Variants in TENM4 observed in about 807,000 individuals in gnomAD.
TENM4 encodes the protein teneurin transmembrane protein 4.
Under a neutral mutation model 243.3 loss-of-function variants are expected in TENM4, and 82 were observed. That is an observed-to-expected ratio of 0.34 (90% CI 0.28 to 0.40). TENM4 has a LOEUF of 0.40. Ranked by LOEUF, TENM4 falls within the 10% of genes least tolerant of loss-of-function variation. The pLI is 1.00. For synonymous variants in TENM4, 1,412 were observed against 1,456.3 expected (o/e 0.97, Z 0.69); for missense variants, 3,138 against 3,673.3 (o/e 0.85, Z 3.77).
At chr11:79,128,078 C>T (rs1466292420) in intron 4 of TENM4, among the ~76,000 whole-genome samples, 1 of 152,198 alleles carries the variant, frequency 6.6e-6, no homozygotes, top group Admixed American at 6.5e-5. Flanking sequence ...GGCTGCTGTG[C>T]AAGCTGGGCC....
At chr11:79,129,668 C>G (rs937655913) in intron 4 of TENM4, among the ~76,000 whole-genome samples, 2 of 152,102 alleles carry the variant, frequency 1.3e-5, no homozygotes, top group African/African-American at 2.4e-5. Context: ...ATAGTCCGCC[C>G]AGGTACACAA....
At chr11:79,334,813 A>G (rs2135450716) in intron 1 of TENM4, among the ~76,000 whole-genome samples, 1 of 152,284 alleles carries the variant, frequency 6.6e-6, no homozygotes, top group East Asian at 1.9e-4. Context: ...GTTTCATTTT[A>G]AGCCTGAATT....
At chr11:78,724,339 G>A (rs1402878591) in intron 23 of TENM4, among the ~76,000 whole-genome samples, 2 of 152,152 alleles carry the variant, frequency 1.3e-5, no homozygotes, top group African/African-American at 2.4e-5. Context: ...CGATCCTCTC[G>A]CCTTAGCTTC....
chr11:78,956,448 C>G (rs1857208092), intron 6 of TENM4, among the ~76,000 whole-genome samples: 1 of 152,206 alleles, frequency 6.6e-6, no homozygotes, highest in Admixed American at 6.5e-5. Context: ...TGACAGCCAC[C>G]CAGCCTGCTG....
At chr11:79,147,428 A>G (rs540736513) in intron 4 of TENM4, among the ~76,000 whole-genome samples, 12 of 152,150 alleles carry the variant, frequency 7.9e-5, no homozygotes, top group South Asian at 2.1e-4. Context: ...TTTTAACTGT[A>G]TATTTCCATA....
chr11:79,374,757 T>C (rs1284271763), intron 1 of TENM4, among the ~76,000 whole-genome samples: 1 of 152,090 alleles, frequency 6.6e-6, no homozygotes, highest in Admixed American at 6.6e-5. Context: ...AAAATGATAA[T>C]GGGTTAATTT....
intron 30 of TENM4, among the ~76,000 whole-genome samples, chr11:78,673,109 T>C (rs1858376416): frequency 6.6e-6 from 1 of 152,108 alleles, no homozygotes; most frequent in African/African-American, 2.4e-5. Flanking sequence ...GGGAGTGCCT[T>C]GTATAAACTC....
intron 1 of TENM4, among the ~76,000 whole-genome samples, chr11:79,300,231 C>T (rs1414328936): frequency 6.6e-6 from 1 of 152,166 alleles, no homozygotes; most frequent in Non-Finnish European, 1.5e-5. Flanking sequence ...TTTAGATATA[C>T]TTCCTTTTAA....
Position 79,069,851 on chromosome 11 carries a change from C to A in TENM4, c.94G>T (p.Gly32Cys), listed in dbSNP as rs1309630576. 2.5e-5 allele frequency: 39 copies of A among 1,550,482 alleles called. No homozygotes were observed. The highest frequency in any genetic ancestry group is 3.2e-5 in the Non-Finnish European group (37 of 1,146,890). The change falls in exon 5 of 34, where the codon GGC becomes TGC. Residue 32 changes from glycine (G) to cysteine (C), a missense_variant. Around this residue, in one of 2 missense-constraint regions of TENM4, gnomAD observed 671 missense variants for 614.1 expected, o/e 1.09. Transcript: ENST00000278550. The stretch of plus-strand genomic sequence containing the variant: ...CTGTACGATTTCTGCGGGGCTTTGC[C>A]CTCCTCGCTGTCCGCGGACGAGCTG... Reference protein sequence around the residue: ...YTSSSADSEEGKAPQKSYSSS... With the variant: ...YTSSSADSEECKAPQKSYSSS...
Position 79,056,444 on chromosome 11 carries a change from G to C in TENM4, c.493+8294C>G, listed in dbSNP as rs149780993. Among the ~76,000 whole-genome samples the C allele has an allele frequency of 3.1e-3, 465 of 152,082 alleles. 17 individuals are homozygous for C. The highest frequency in any genetic ancestry group is 0.029 in the Admixed American group (446 of 15,274). The stretch of plus-strand genomic sequence containing the variant: ...ATGGGGTGCATTTAATCTGGGCCAG[G>C]ACTTCTTAAAGGGACTCCTAAGAAC... On this transcript the variant is annotated intron_variant, in intron 6 of 33. Transcript: ENST00000278550.
chr11:79,407,599 A>G (rs990462891), intron 1 of TENM4, among the ~76,000 whole-genome samples: 7 of 152,250 alleles, frequency 4.6e-5, no homozygotes, highest in Admixed American at 1.3e-4. Flanking sequence ...GGTGACAGAA[A>G]GTTAAAACCT....
chr11:79,265,231 C>A (rs1297391817), intron 2 of TENM4, among the ~76,000 whole-genome samples: 1 of 152,128 alleles, frequency 6.6e-6, no homozygotes, highest in Non-Finnish European at 1.5e-5. Context: ...GACTTTATAT[C>A]AGAAGCCCTA....
chr11:79,222,875 G>A (rs1416685241), intron 2 of TENM4, among the ~76,000 whole-genome samples: 1 of 152,090 alleles, frequency 6.6e-6, no homozygotes, highest in African/African-American at 2.4e-5. Flanking sequence ...ATTTGTTGAA[G>A]TTCCTTGTAG....
chr11:78,801,095 T>A (rs1857272192), intron 15 of TENM4, among the ~76,000 whole-genome samples: 1 of 152,068 alleles, frequency 6.6e-6, no homozygotes, highest in South Asian at 2.1e-4. Flanking sequence ...GAGATAAGAA[T>A]GGCAACATGA....
At chr11:79,171,275 T>C (rs1863033517) in intron 3 of TENM4, among the ~76,000 whole-genome samples, 1 of 152,216 alleles carries the variant, frequency 6.6e-6, no homozygotes, top group Admixed American at 6.5e-5. Flanking sequence ...ATGGTATTTG[T>C]GTGAAATGCT....
At chr11:79,209,297 G>A (rs756491239) in intron 3 of TENM4, among the ~76,000 whole-genome samples, 4 of 152,168 alleles carry the variant, frequency 2.6e-5, no homozygotes, top group Non-Finnish European at 5.9e-5. Flanking sequence ...ACCCCAACCC[G>A]GCCGGCCTTG....
At chr11:78,807,302 T>C (rs972188217) in intron 14 of TENM4, among the ~76,000 whole-genome samples, 1 of 152,212 alleles carries the variant, frequency 6.6e-6, no homozygotes, top group Non-Finnish European at 1.5e-5. Context: ...TCTACCATTT[T>C]ACATTCCCAC....
chr11:78,993,727 A>G (rs918551052), intron 6 of TENM4, among the ~76,000 whole-genome samples: 2 of 152,164 alleles, frequency 1.3e-5, no homozygotes, highest in Admixed American at 1.3e-4. Context: ...CCATTTCTCT[A>G]TGAAGATGTT....
chr11:79,137,683 C>G (rs557814077), intron 4 of TENM4, among the ~76,000 whole-genome samples: 6 of 152,198 alleles, frequency 3.9e-5, no homozygotes, highest in Non-Finnish European at 7.4e-5. Flanking sequence ...TAAGAAAATA[C>G]TTTCATTTTA....
Sources: gnomAD v4.1 joint callset for allele counts (sites outside exome capture counted in the v4.1 genomes callset) on GRCh38, gnomAD v4.1.1 for gene constraint, gnomAD v4.1.1 regional missense constraint, MANE v1.5 for transcripts, NCBI Gene and HGNC (gene_info 2026-07-23, HGNC 2026-07-21) for gene names.